Variants in GFRAL observed in about 807,000 individuals in gnomAD.
GFRAL encodes GDNF family receptor alpha-like.
In GFRAL, 36 loss-of-function variants were observed where a neutral mutation model predicts 45.4. That is an observed-to-expected ratio of 0.79 (90% CI 0.61 to 1.05). GFRAL has a LOEUF of 1.05. Among genes scored for constraint, GFRAL ranks in the 50% least tolerant of loss-of-function variants. The pLI is 0.00. For missense variants in GFRAL, 507 were observed against 467.5 expected (o/e 1.08, Z -0.78); for synonymous variants, 166 against 154.1 (o/e 1.08, Z -0.57).
At chr6:55,367,910 A>G (rs1421222313) in intron 6 of GFRAL, among the ~76,000 whole-genome samples, 69 of 148,886 alleles carry the variant, frequency 4.6e-4, no homozygotes, top group African/African-American at 1.5e-3. Flanking sequence ...GAATCTGACA[A>G]TTATGTGTCT....
intron 6 of GFRAL, among the ~76,000 whole-genome samples, chr6:55,381,667 G>T (rs1385747533): frequency 6.6e-6 from 1 of 151,820 alleles, no homozygotes; most frequent in African/African-American, 2.4e-5. Flanking sequence ...TGCAAAGACT[G>T]TGTAAAATGA....
intron 3 of GFRAL, among the ~76,000 whole-genome samples, chr6:55,339,475 T>C (rs1767933967): frequency 6.6e-6 from 1 of 151,942 alleles, no homozygotes; most frequent in African/African-American, 2.4e-5. Context: ...ATAAAAAACA[T>C]AAAGGAGAGT....
chr6:55,331,687 A>G, intron 1 of GFRAL, 28 bp from the exon 2 acceptor site: 1 of 1,586,942 alleles, frequency 6.3e-7, no homozygotes. Context: ...TTTATATTAC[A>G]ACCTTGTTTT....
chr6:55,369,344 G>A (rs1037849483), intron 6 of GFRAL, among the ~76,000 whole-genome samples: 1 of 152,156 alleles, frequency 6.6e-6, no homozygotes, highest in Non-Finnish European at 1.5e-5. Flanking sequence ...CTACTGTCTG[G>A]CACTCCCTAG....
rs545888277 is a variant in GFRAL, at chr6:55,343,935, C to A, written c.317-6157C>A. ...CTACACAAATAAACCAGAAAATCAA[C>A]AAGAAATGGATAAATTCCTGGATGC... On this transcript the variant is annotated intron_variant, in intron 3 of 8. Transcript: ENST00000340465. Among the ~76,000 whole-genome samples the A allele has an allele frequency of 1.5e-4, 23 of 152,064 alleles. 1 individual carries two copies. The South Asian group carries it at 4.4e-3, about 29-fold the overall frequency.
At chr6:55,349,971 C>T in intron 3 of GFRAL, 121 bp from the exon 4 acceptor site, 1 of 681,160 alleles carries the variant, frequency 1.5e-6, no homozygotes, top group Non-Finnish European at 2.7e-6. Flanking sequence ...GTTACATAAC[C>T]TTGTATGTAC....
intron 5 of GFRAL, among the ~76,000 whole-genome samples, chr6:55,357,131 G>A (rs552029994): frequency 1.3e-5 from 2 of 151,974 alleles, no homozygotes; most frequent in East Asian, 1.9e-4. Context: ...CATTGACAAC[G>A]ATCTGCGTGC....
At chr6:55,370,743 A>G (rs4715536) in intron 6 of GFRAL, among the ~76,000 whole-genome samples, 29,118 of 152,158 alleles carry the variant, frequency 0.19, 3,206 homozygotes, top group African/African-American at 0.3. Context: ...CATGTGGCCA[A>G]TGTAGTTACA....
At chr6:55,356,091 A>G (rs1297959641) in intron 5 of GFRAL, among the ~76,000 whole-genome samples, 1 of 151,982 alleles carries the variant, frequency 6.6e-6, no homozygotes, top group Non-Finnish European at 1.5e-5. Flanking sequence ...GTCATGATGA[A>G]AAATCTTAAT....
In GFRAL at chr6:55,342,642, C is replaced by T. The variant is rs551626343; in HGVS notation, c.317-7450C>T. ...ACCAACGAGCAAAATAACCAGCTAA[C>T]ATCATAATGACAGGATCAAATTCAC... is the stretch of plus-strand genomic sequence containing the variant. On this transcript the variant is annotated intron_variant, in intron 3 of 8. Coordinates refer to ENST00000340465, the MANE Select transcript of GFRAL (RefSeq NM_207410.2). Among the ~76,000 whole-genome samples, 254 of 152,060 alleles carry T rather than the reference C, an allele frequency of 1.7e-3. 2 individuals are homozygous for T. The highest frequency in any genetic ancestry group is 0.014 in the South Asian group (69 of 4,816).
rs527512102 is a variant in GFRAL at position 55,341,306 on chromosome 6, G to T, written c.316+7362G>T. Among the ~76,000 whole-genome samples, 6 of 152,278 alleles carry T rather than the reference G, an allele frequency of 3.9e-5. No homozygotes were observed. In the South Asian group the frequency reaches 1.2e-3, roughly 32 times the overall value. ...GCAGACTGACACCTCACACAGCTGG[G>T]TACCCCTGTGAGACGAAGCTTCCAG... On this transcript the variant is annotated intron_variant, in intron 3 of 8. Transcript: ENST00000340465.
Position 55,333,851 on chromosome 6 carries a change from G to C in GFRAL, c.223G>C (p.Glu75Gln). Residue 75 changes from glutamate (E) to glutamine (Q), a missense_variant, in exon 3 of 9, where the codon GAA becomes CAA. By Grantham distance (29) the Glu-to-Gln change is conservative (BLOSUM62 2). Transcript: ENST00000340465. ...TAACCTGAGTATCCAGTACTTAGTG[G>C]AAAGCAATTTCCAATTTAAAGAGTG... ...YCNLSIQYLV[E>Q]SNFQFKECLC... The C allele has an allele frequency of 6.2e-7, 1 of 1,610,836 alleles. No individual in the cohort carries two copies. Among genetic ancestry groups the C allele is most frequent in the South Asian group, 1.1e-5 (1 of 90,722 alleles).
intron 6 of GFRAL, among the ~76,000 whole-genome samples, chr6:55,384,644 C>A (rs1768656261): frequency 6.6e-6 from 1 of 152,022 alleles, no homozygotes; most frequent in African/African-American, 2.4e-5. Flanking sequence ...AAAGAGCAAC[C>A]AACAGATGTG....
At chr6:55,342,013 A>G (rs1224201550) in intron 3 of GFRAL, among the ~76,000 whole-genome samples, 1 of 152,194 alleles carries the variant, frequency 6.6e-6, no homozygotes, top group Non-Finnish European at 1.5e-5. Flanking sequence ...TCCAAGAAAT[A>G]TGGGACTATA....
At chr6:55,339,359 A>T (rs1284505127) in intron 3 of GFRAL, among the ~76,000 whole-genome samples, 1 of 152,188 alleles carries the variant, frequency 6.6e-6, no homozygotes, top group Non-Finnish European at 1.5e-5. Flanking sequence ...CAATGATAAA[A>T]AAATAGTCTA....
intron 6 of GFRAL, among the ~76,000 whole-genome samples, chr6:55,395,542 A>C (rs937721085): frequency 2.6e-5 from 4 of 151,706 alleles, no homozygotes; most frequent in African/African-American, 9.7e-5. Context: ...TTTCCCCCAA[A>C]CTGACTCTTC....
chr6:55,339,219 T>C (rs3963), intron 3 of GFRAL, among the ~76,000 whole-genome samples: 73,804 of 152,016 alleles, frequency 0.49, 19,322 homozygotes, highest in Non-Finnish European at 0.6. Context: ...TTGCTATACA[T>C]TGAGCCAAGA....
At chr6:55,363,806 A>G (rs1031654490) in intron 6 of GFRAL, among the ~76,000 whole-genome samples, 1 of 151,512 alleles carries the variant, frequency 6.6e-6, no homozygotes, top group Non-Finnish European at 1.5e-5. Context: ...CATGGTGCAT[A>G]TGTGCCACAT....
intron 3 of GFRAL, among the ~76,000 whole-genome samples, chr6:55,344,382 AAG>A (rs367822858): frequency 0.013 from 1,986 of 152,304 alleles, 22 homozygotes; most frequent in Non-Finnish European, 0.022. Context: ...GGCTGGTTCA[AAG>A]CATACGCAAA....
Sources: gnomAD v4.1 joint callset for allele counts (sites outside exome capture counted in the v4.1 genomes callset) on GRCh38, gnomAD v4.1.1 for gene constraint, MANE v1.5 for transcripts, NCBI Gene and HGNC (gene_info 2026-07-23, HGNC 2026-07-21) for gene names.